The following TMEM132C variants were observed in gnomAD, a reference collection of about 807,000 sequenced individuals.
TMEM132C encodes protein phosphatase 1, regulatory subunit 152.
TMEM132C carries 29 observed loss-of-function variants against 61.4 expected under a neutral mutation model. The ratio of observed to expected loss-of-function variants is 0.47; its 90% CI spans 0.35 to 0.64. The LOEUF (loss-of-function observed/expected upper bound fraction) is 0.64. Ranked by LOEUF, TMEM132C falls within the 30% of genes least tolerant of loss-of-function variation. TMEM132C has a pLI of 0.00. For missense variants in TMEM132C, 1,408 were observed against 1,476.9 expected (o/e 0.95, Z 0.76); for synonymous variants, 656 against 633.1 (o/e 1.04, Z -0.54).
At position 128,705,861 on chromosome 12, in the gene TMEM132C, A is replaced by G. The variant is rs2135664452; in HGVS notation, c.2893A>G (p.Met965Val). The change falls in exon 9 of 9, where the codon ATG (methionine) becomes GTG (valine). Residue 965 changes from methionine to valine, a missense_variant. Met to Val is a conservative substitution (Grantham distance 21, BLOSUM62 1). Coordinates refer to ENST00000435159, the MANE Select transcript of TMEM132C (RefSeq NM_001136103.3). ...AGTGCCCCTGGAAGGTCAGGCCTCC[A>G]TGACCCACTCTCACGACTGGGTGTG... ...KQVPLEGQASMTHSHDWVWLG... is the reference protein window; with the variant it reads ...KQVPLEGQASVTHSHDWVWLG... 2.6e-6 allele frequency: 4 copies of G among 1,551,658 alleles called. No homozygotes were observed. Among genetic ancestry groups the G allele is most frequent in the African/African-American group, 1.4e-5 (1 of 73,182 alleles).
intron 1 of TMEM132C, among the ~76,000 whole-genome samples, chr12:128,383,645 C>T (rs566180402): frequency 1.3e-5 from 2 of 152,296 alleles, no homozygotes; most frequent in African/African-American, 4.8e-5. Context: ...ATTTCCCCTT[C>T]CCCAGTCCTT....
chr12:128,351,826 G>C (rs557345845), intron 1 of TMEM132C, among the ~76,000 whole-genome samples: 2 of 152,186 alleles, frequency 1.3e-5, no homozygotes, highest in African/African-American at 4.8e-5. Flanking sequence ...ATGAAATTTC[G>C]ACATGAGATT....
At chr12:128,601,778 C>T (rs987373823) in intron 3 of TMEM132C, among the ~76,000 whole-genome samples, 5 of 152,044 alleles carry the variant, frequency 3.3e-5, no homozygotes, top group African/African-American at 9.7e-5. Flanking sequence ...AAAGTAATTG[C>T]CTTTTAATGG....
At chr12:128,384,788 T>C (rs1208021278) in intron 1 of TMEM132C, among the ~76,000 whole-genome samples, 1 of 152,218 alleles carries the variant, frequency 6.6e-6, no homozygotes, top group Non-Finnish European at 1.5e-5. Flanking sequence ...GAGGGGACTT[T>C]ACCTTCTACT....
intron 1 of TMEM132C, among the ~76,000 whole-genome samples, chr12:128,410,461 G>T (rs1449593551): frequency 1.3e-5 from 2 of 152,104 alleles, no homozygotes; most frequent in East Asian, 3.9e-4. Context: ...AGAGTGCAGT[G>T]GCATGCTCTC....
rs200210374 is a variant in TMEM132C at position 128,469,886 on chromosome 12, AT to A, written c.974+54267del. On this transcript the variant is annotated intron_variant, in intron 2 of 8. Coordinates refer to ENST00000435159, the MANE Select transcript of TMEM132C (RefSeq NM_001136103.3). ...CACACCCACATATAAATGCATATGT[AT>A]ATACACACACATAAATGCACACATA... is the stretch of plus-strand genomic sequence containing the variant. Among the ~76,000 whole-genome samples the A allele has an allele frequency of 4.3e-3, 662 of 152,258 alleles. 6 individuals carry two copies. The highest frequency in any genetic ancestry group is 0.015 in the African/African-American group (629 of 41,542).
At chr12:128,442,488 G>C (rs1306203243) in intron 2 of TMEM132C, among the ~76,000 whole-genome samples, 1 of 151,926 alleles carries the variant, frequency 6.6e-6, no homozygotes, top group Non-Finnish European at 1.5e-5. Flanking sequence ...GTGAGGTTCA[G>C]GCATTGGTAT....
chr12:128,637,487 C>A (rs920812864), intron 4 of TMEM132C, among the ~76,000 whole-genome samples: 1 of 152,254 alleles, frequency 6.6e-6, no homozygotes, highest in African/African-American at 2.4e-5. Context: ...GAGAGACCAG[C>A]TGAGAGGCTG....
intron 2 of TMEM132C, among the ~76,000 whole-genome samples, chr12:128,530,201 G>A (rs2136134854): frequency 6.6e-6 from 1 of 152,244 alleles, no homozygotes; most frequent in African/African-American, 2.4e-5. Context: ...GGAACGAAGC[G>A]GTAATTGCCA....
chr12:128,458,095 C>T lies in TMEM132C; in HGVS notation c.974+42475C>T, dbSNP rs931767045. Among the ~76,000 whole-genome samples the T allele has an allele frequency of 5.3e-5, 8 of 151,498 alleles. No individual in the cohort carries two copies. The South Asian group carries it at 6.3e-4, about 12-fold the overall frequency. ...GAACCCCATTTTTAAAAATATCTGT[C>T]GTACACAATAGGGAGATATTACAGT... is the stretch of plus-strand genomic sequence containing the variant. On this transcript the variant is annotated intron_variant, in intron 2 of 8. Transcript: ENST00000435159.
intron 2 of TMEM132C, among the ~76,000 whole-genome samples, chr12:128,426,613 G>A (rs571693169): frequency 6.6e-6 from 1 of 152,150 alleles, no homozygotes; most frequent in Non-Finnish European, 1.5e-5. Context: ...CATTTTAAAT[G>A]TATTCTTCTG....
intron 1 of TMEM132C, among the ~76,000 whole-genome samples, chr12:128,376,607 T>G (rs1874200406): frequency 6.6e-6 from 1 of 152,212 alleles, no homozygotes; most frequent in Non-Finnish European, 1.5e-5. Flanking sequence ...ATTTAAAAGA[T>G]GGATCCAAAT....
chr12:128,397,803 C>T (rs114757178), intron 1 of TMEM132C, among the ~76,000 whole-genome samples: 1,961 of 152,264 alleles, frequency 0.013, 39 homozygotes, highest in African/African-American at 0.042. Flanking sequence ...TCATGTCATA[C>T]GCCCATGCTG....
intron 1 of TMEM132C, among the ~76,000 whole-genome samples, chr12:128,279,700 G>C (rs1870821406): frequency 6.6e-6 from 1 of 152,158 alleles, no homozygotes; most frequent in Non-Finnish European, 1.5e-5. Context: ...TCAGATCTGT[G>C]TGCCAAGGGC....
At chr12:128,523,035 C>G (rs192685276) in intron 2 of TMEM132C, among the ~76,000 whole-genome samples, 2 of 151,930 alleles carry the variant, frequency 1.3e-5, no homozygotes, top group African/African-American at 4.8e-5. Context: ...AATGGATAAG[C>G]GGAATGGGGT....
intron 6 of TMEM132C, among the ~76,000 whole-genome samples, chr12:128,694,772 G>A (rs891745048): frequency 2.0e-5 from 3 of 152,178 alleles, no homozygotes; most frequent in Non-Finnish European, 4.4e-5. Flanking sequence ...CATTTGGCCC[G>A]ATGTGGGAGG....
intron 2 of TMEM132C, among the ~76,000 whole-genome samples, chr12:128,505,243 C>T (rs544489585): frequency 4.7e-4 from 72 of 152,252 alleles, no homozygotes; most frequent in African/African-American, 1.3e-3. Flanking sequence ...ATCAAGGTGC[C>T]GGTGGCCAAT....
At chr12:128,615,917 G>T (rs1310363336) in intron 3 of TMEM132C, among the ~76,000 whole-genome samples, 1 of 152,184 alleles carries the variant, frequency 6.6e-6, no homozygotes, top group East Asian at 1.9e-4. Flanking sequence ...ACAGACACAG[G>T]TTACTGCTCA....
chr12:128,703,850 C>T (rs989124547), intron 8 of TMEM132C, among the ~76,000 whole-genome samples: 1 of 152,216 alleles, frequency 6.6e-6, no homozygotes, highest in Non-Finnish European at 1.5e-5. Flanking sequence ...TGACCCACAG[C>T]GAGTGCCCAG....
Sources: allele counts gnomAD v4.1 joint callset (sites outside exome capture counted in the v4.1 genomes callset), GRCh38; gene constraint gnomAD v4.1.1; transcripts MANE v1.5; gene names NCBI Gene and HGNC (gene_info 2026-07-23, HGNC 2026-07-21).